The following SEZ6L2 variants were observed in gnomAD, a reference collection of about 807,000 sequenced individuals.
SEZ6L2 encodes seizure related 6 homolog like 2.
In SEZ6L2, 44 loss-of-function variants were observed where a neutral mutation model predicts 97.0. The ratio of observed to expected loss-of-function variants is 0.45; its 90% CI spans 0.36 to 0.58. The LOEUF (loss-of-function observed/expected upper bound fraction) is 0.58. SEZ6L2 is among the 20% of genes least tolerant of loss of function. SEZ6L2 has a pLI of 0.00. For synonymous variants in SEZ6L2, 543 were observed against 546.1 expected, an observed-to-expected ratio of 0.99 and a Z score of 0.08; for missense variants, 1,086 against 1,233.3, an observed-to-expected ratio of 0.88 and a Z score of 1.79.
chr16:29,873,439 G>A lies in SEZ6L2; in HGVS notation c.2297-8C>T, dbSNP rs779517044. On this transcript the variant is annotated splice_region_variant and splice_polypyrimidine_tract_variant and intron_variant, in intron 13 of 17. Transcript: ENST00000617533. The surrounding 1 kb of genome is among the most constrained non-coding windows in gnomAD (Gnocchi z 4.3). The stretch of plus-strand genomic sequence containing the variant: ...GGCACGGCTCGTACTTCACTGCGGG[G>A]AGCATGCCAGTCACGTGCCAGCTGC... 6.2e-7 allele frequency: 1 copy of A among 1,614,198 alleles called. No homozygotes were observed. Among genetic ancestry groups the A allele is most frequent in the South Asian group, 1.1e-5 (1 of 91,086 alleles).
chr16:29,872,794 A>T, intron 14 of SEZ6L2, 51 bp from the exon 15 acceptor site: 5 of 1,282,990 alleles, frequency 3.9e-6, no homozygotes, highest in Non-Finnish European at 5.5e-6. Flanking sequence ...GGAGGGGAGG[A>T]GGCTGGGAGG....
Position 29,895,308 on chromosome 16 carries a change from G to T in SEZ6L2, c.804C>A (p.Phe268Leu). Residue 268 changes from phenylalanine to leucine, a missense_variant, in exon 5 of 18, where the codon TTC (phenylalanine) becomes TTA (leucine). Physicochemically the swap from Phe to Leu is conservative, Grantham distance 22. Transcript: ENST00000617533. ...RSPTNRLLLH[F>L]QSPRVPRGGG... Reference sequence around the variant, plus strand: ...CGCCCCTTGGGACCCGTGGGCTCTGGAAGTGCAGAAGCAGCCGGTTGGTTG... The same window carrying T: ...CGCCCCTTGGGACCCGTGGGCTCTGTAAGTGCAGAAGCAGCCGGTTGGTTG... 1.2e-6 allele frequency: 2 copies of T among 1,614,132 alleles called. No homozygotes were observed. The highest frequency in any genetic ancestry group is 2.2e-5 in the South Asian group (2 of 91,084).
intron 2 of SEZ6L2, among the ~76,000 whole-genome samples, chr16:29,897,578 T>C (rs912795710): frequency 6.6e-6 from 1 of 152,184 alleles, no homozygotes; most frequent in Non-Finnish European, 1.5e-5. Context: ...TTTCTCTGAG[T>C]CTGGTTCTCT....
At chr16:29,885,194 C>T (rs1313668676) in intron 8 of SEZ6L2, among the ~76,000 whole-genome samples, 3 of 151,440 alleles carry the variant, frequency 2.0e-5, no homozygotes, top group East Asian at 1.9e-4. Flanking sequence ...GGTGACAGAG[C>T]GAGACTCGTC....
At chr16:29,880,326 CT>C (rs1390262541) in intron 8 of SEZ6L2, among the ~76,000 whole-genome samples, 11 of 147,088 alleles carry the variant, frequency 7.5e-5, no homozygotes, top group African/African-American at 2.9e-4. Context: ...CCATGCCCAG[CT>C]ATTTTTTTTT....
intron 17 of SEZ6L2, 66 bp downstream of exon 17, chr16:29,872,121 G>A: frequency 1.6e-6 from 2 of 1,286,166 alleles, no homozygotes; most frequent in East Asian, 2.3e-5. Flanking sequence ...CAGAGACCTT[G>A]CGAGAAGGTT....
rs376516914 is a variant in SEZ6L2, at chr16:29,872,758, G to A, written c.2489-15C>T. 21 of 1,609,194 alleles carry A rather than the reference G, an allele frequency of 1.3e-5. No homozygotes were observed. In the African/African-American group the frequency reaches 1.9e-4, roughly 14 times the overall value. ...CTCATAGGCAACTGCAGGGAGAGGA[G>A]GGGGAGGGGATGGGGTCTGAGCCAG... On this transcript the variant is annotated splice_polypyrimidine_tract_variant and intron_variant, in intron 14 of 17. Coordinates refer to ENST00000617533, the MANE Select transcript of SEZ6L2 (RefSeq NM_001243332.2).
rs374397922 is a variant in SEZ6L2, at chr16:29,872,780, C to A, written c.2489-37G>T. The A allele has an allele frequency of 1.4e-5, 22 of 1,573,158 alleles. No individual in the cohort carries two copies. The East Asian group carries it at 4.5e-4, about 32-fold the overall frequency. On this transcript the variant is annotated intron_variant, in intron 14 of 17. Transcript: ENST00000617533. ...GGAGGGGGAGGGGATGGGGTCTGAG[C>A]CAGGGAGGGGAGGAGGCTGGGAGGG...
At chr16:29,896,490 G>T (rs1266724913) in intron 3 of SEZ6L2, among the ~76,000 whole-genome samples, 1 of 152,040 alleles carries the variant, frequency 6.6e-6, no homozygotes, top group Non-Finnish European at 1.5e-5. Context: ...TGTTGCTCAG[G>T]CTGGTCTCGA....
intron 8 of SEZ6L2, among the ~76,000 whole-genome samples, chr16:29,885,059 T>G (rs1160197944): frequency 6.7e-6 from 1 of 149,974 alleles, no homozygotes; most frequent in African/African-American, 2.5e-5. Flanking sequence ...TACAAAAAAA[T>G]TAGTCGGGCG....
Position 29,871,558 on chromosome 16 carries a change from A to G in SEZ6L2, c.*141T>C, listed in dbSNP as rs2067780353. ...TACTGTAGGATCTCCAGGGCCATCA[A>G]AGCCCCCTCGTGGGATAGGGAGACT... is the stretch of plus-strand genomic sequence containing the variant. On this transcript the variant is annotated 3_prime_UTR_variant, in exon 18 of 18. Coordinates refer to ENST00000617533, the MANE Select transcript of SEZ6L2 (RefSeq NM_001243332.2). 1 of 837,732 alleles carries G rather than the reference A, an allele frequency of 1.2e-6. No homozygotes were observed. 51.9% of individuals were successfully genotyped at this position (837,732 alleles called of 1,614,324 possible).
At chr16:29,889,626 T>C (rs1161680770) in intron 5 of SEZ6L2, among the ~76,000 whole-genome samples, 4 of 102,996 alleles carry the variant, frequency 3.9e-5, no homozygotes, top group African/African-American at 2.7e-4. Context: ...TTTTTTTTTT[T>C]TTTTTTTTTT....
intron 5 of SEZ6L2, 83 bp from the exon 6 acceptor site, chr16:29,888,808 C>A: frequency 7.9e-7 from 1 of 1,263,498 alleles, no homozygotes; most frequent in South Asian, 1.5e-5. Flanking sequence ...TCCCCCCTCT[C>A]CTTTCAGGCC....
Position 29,876,584 on chromosome 16 carries a change from G to A in SEZ6L2, c.2104+172C>T, listed in dbSNP as rs183810729. 2.5e-3 allele frequency among the ~76,000 whole-genome samples: 381 copies of A among 152,246 alleles called. 3 individuals carry two copies. The highest frequency in any genetic ancestry group is 8.4e-3 in the African/African-American group (350 of 41,536). ...CAGAGGGGACAGTTTCGGGGAACCG[G>A]GCGGAGGAGTGAGAACTAAAGGGCA... On this transcript the variant is annotated intron_variant, in intron 12 of 17. Transcript: ENST00000617533. This position sits in a 1 kb window ranked among gnomAD's most constrained non-coding sequence, Gnocchi z 6.5.
chr16:29,878,551 C>T (rs1427462706), intron 9 of SEZ6L2, 126 bp from the exon 10 acceptor site: 8 of 638,198 alleles, frequency 1.3e-5, no homozygotes, highest in Non-Finnish European at 1.8e-5. Flanking sequence ...CTATGATCCA[C>T]CTGTTTCTTT....
chr16:29,899,320 G>A lies in SEZ6L2; in HGVS notation c.-301C>T. 5.1e-6 allele frequency: 2 copies of A among 391,412 alleles called. No individual in the cohort carries two copies. Among genetic ancestry groups the A allele is most frequent in the Non-Finnish European group, 9.2e-6 (2 of 217,624 alleles). The allele number at this position is 391,412 out of a possible 1,614,324, so 24.2% of individuals were successfully genotyped here. On this transcript the variant is annotated 5_prime_UTR_variant, in exon 1 of 18. Transcript: ENST00000617533. ...GGGGCCGAGAGGGCCGAAGGGGCCG[G>A]GTGGCCTGGGTTACCCTCCTGCTCA...
At chr16:29,885,124 C>T (rs1299855476) in intron 8 of SEZ6L2, among the ~76,000 whole-genome samples, 2 of 152,166 alleles carry the variant, frequency 1.3e-5, no homozygotes, top group Non-Finnish European at 2.9e-5. Flanking sequence ...AGGAGAATGG[C>T]GTGAACCCGG....
intron 5 of SEZ6L2, among the ~76,000 whole-genome samples, chr16:29,891,093 C>T (rs7359380): frequency 0.26 from 38,786 of 151,812 alleles, 5,596 homozygotes; most frequent in Non-Finnish European, 0.34. Flanking sequence ...AGGCATGTGC[C>T]ACCATGCCCA....
At chr16:29,897,782 G>T in intron 2 of SEZ6L2, 71 bp downstream of exon 2, 1 of 1,493,852 alleles carries the variant, frequency 6.7e-7, no homozygotes, top group Non-Finnish European at 8.9e-7. Context: ...CTCTAGCCTG[G>T]CTCCCCATCT....
Sources: gnomAD v4.1 joint callset for allele counts (sites outside exome capture counted in the v4.1 genomes callset) on GRCh38, gnomAD v4.1.1 for gene constraint, Gnocchi (gnomAD v3.1) non-coding constraint, MANE v1.5 for transcripts, NCBI Gene and HGNC (gene_info 2026-07-23, HGNC 2026-07-21) for gene names.